Variants in EPM2A observed in about 807,000 individuals in gnomAD.
The protein encoded by EPM2A is EPM2A glucan phosphatase, laforin.
In EPM2A, 21 loss-of-function variants were observed where a neutral mutation model predicts 26.5. The ratio of observed to expected loss-of-function variants is 0.79; its 90% CI spans 0.56 to 1.14. The LOEUF is 1.14. Among genes scored for constraint, EPM2A ranks in the 50% most tolerant of loss-of-function variants. The pLI is 0.00. For synonymous variants in EPM2A, 217 were observed against 177.6 expected, an observed-to-expected ratio of 1.22 and a Z score of -1.76; for missense variants, 458 against 440.8, an observed-to-expected ratio of 1.04 and a Z score of -0.35.
chr6:145,446,677 T>G (rs1470908228), intron 4 of EPM2A, among the ~76,000 whole-genome samples: 1 of 152,038 alleles, frequency 6.6e-6, no homozygotes, highest in Non-Finnish European at 1.5e-5. Flanking sequence ...ACCTTGATCC[T>G]GCCAAAAGCT....
At chr6:145,732,238 C>T (rs10457056) in intron 1 of EPM2A, among the ~76,000 whole-genome samples, 11,907 of 72,540 alleles carry the variant, frequency 0.16, 1,591 homozygotes, top group African/African-American at 0.47. Flanking sequence ...TGTGTGTGTG[C>T]GCGCCAAAGT....
rs143795313 is a variant in EPM2A at position 145,696,548 on chromosome 6, T to C, written c.302-10252A>G. On this transcript the variant is annotated intron_variant, in intron 1 of 3. Transcript: ENST00000367519. The stretch of plus-strand genomic sequence containing the variant: ...ACCCCATACACATATACAATTATGA[T>C]TTTTCCCTTAAAAATATCAATAATA... 6.4e-3 allele frequency among the ~76,000 whole-genome samples: 973 copies of C among 152,246 alleles called. 12 individuals are homozygous for C. Among genetic ancestry groups the C allele is most frequent in the African/African-American group, 0.022 (920 of 41,550 alleles).
At chr6:145,534,315 G>T (rs1299087819) in intron 2 of EPM2A, among the ~76,000 whole-genome samples, 1 of 152,178 alleles carries the variant, frequency 6.6e-6, no homozygotes, top group Middle Eastern at 3.2e-3. Context: ...GAGTGAAAAT[G>T]AGAGTATACA....
chr6:145,500,503 G>A (rs1206525090), downstream of EPM2A, among the ~76,000 whole-genome samples: 2 of 152,136 alleles, frequency 1.3e-5, no homozygotes, highest in East Asian at 1.9e-4. Flanking sequence ...CACCAGCAAG[G>A]ACACAGAGGG....
intron 2 of EPM2A, chr6:145,640,789 A>C (rs1251161877): frequency 6.6e-6 from 1 of 152,194 alleles, no homozygotes; most frequent in Non-Finnish European, 1.5e-5. Context: ...TCCAGGCTTC[A>C]GTAGCACATA....
At chr6:145,600,316 C>T (rs1327385119) in intron 2 of EPM2A, among the ~76,000 whole-genome samples, 1 of 152,122 alleles carries the variant, frequency 6.6e-6, no homozygotes, top group Non-Finnish European at 1.5e-5. Flanking sequence ...CCATCCCTAC[C>T]TAGTTCTCTC....
At chr6:145,387,689 A>G (rs915504605) in intron 4 of EPM2A, among the ~76,000 whole-genome samples, 5 of 152,116 alleles carry the variant, frequency 3.3e-5, no homozygotes, top group African/African-American at 9.7e-5. Context: ...AACAGCAGGG[A>G]AAAAAAGAAA....
chr6:145,481,865 G>T (rs1779614435), intron 4 of EPM2A, among the ~76,000 whole-genome samples: 1 of 152,064 alleles, frequency 6.6e-6, no homozygotes, highest in Non-Finnish European at 1.5e-5. Context: ...TGATGCTGTA[G>T]TTTCTTTAAG....
intron 2 of EPM2A, among the ~76,000 whole-genome samples, chr6:145,668,248 G>T (rs1002778789): frequency 6.6e-6 from 1 of 152,060 alleles, no homozygotes; most frequent in Non-Finnish European, 1.5e-5. Context: ...GTTGGGACAG[G>T]ATCTGCAATC....
At chr6:145,686,490 A>C (rs948451495) in intron 1 of EPM2A, among the ~76,000 whole-genome samples, 194 bp from the exon 2 acceptor site, 3 of 152,184 alleles carry the variant, frequency 2.0e-5, no homozygotes, top group African/African-American at 7.2e-5. Flanking sequence ...TACTTAGGAA[A>C]ATCAGAGTTT....
Position 145,505,427 on chromosome 6 carries a change from G to A in EPM2A, c.341-2852C>T, listed in dbSNP as rs185009165. On this transcript the variant is annotated intron_variant, in intron 2 of 3. Transcript: ENST00000450221. ...CACACAAATATGTATGTATATATAC[G>A]TACAATTTTTTTCCTGAACTATGTA... Among the ~76,000 whole-genome samples the A allele has an allele frequency of 1.6e-4, 24 of 151,188 alleles. No homozygotes were observed. The East Asian group carries it at 3.5e-3, about 22-fold the overall frequency.
rs559322438 is a variant in EPM2A, at chr6:145,733,913, T to C, written c.301+1285A>G. ...ACATTCATTTCATTGACTTCAACTA[T>C]TGAGTCACACCCACTCCAGTCTACA... On this transcript the variant is annotated intron_variant, in intron 1 of 3. Coordinates refer to ENST00000367519, the MANE Select transcript of EPM2A (RefSeq NM_005670.4). Among the ~76,000 whole-genome samples, 30 of 152,328 alleles carry C rather than the reference T, an allele frequency of 2.0e-4. 1 individual carries two copies. Among genetic ancestry groups the C allele is most frequent in the African/African-American group, 6.5e-4 (27 of 41,578 alleles).
downstream of EPM2A, among the ~76,000 whole-genome samples, chr6:145,622,989 TA>T (rs1450220898): frequency 6.6e-6 from 1 of 152,230 alleles, no homozygotes. Flanking sequence ...TCCTTATTTG[TA>T]AAACAGGGAT....
chr6:145,725,688 C>T (rs1244776650), intron 1 of EPM2A, among the ~76,000 whole-genome samples: 3 of 151,982 alleles, frequency 2.0e-5, no homozygotes, highest in South Asian at 4.1e-4. Context: ...CTGTACGATT[C>T]TAATTATTTG....
chr6:145,512,753 A>G (rs114114956), intron 2 of EPM2A, among the ~76,000 whole-genome samples: 5,776 of 150,510 alleles, frequency 0.038, 403 homozygotes, highest in African/African-American at 0.13. Flanking sequence ...GACCCCAGAA[A>G]GAAAGCCACA....
intron 2 of EPM2A, among the ~76,000 whole-genome samples, chr6:145,654,512 G>A (rs1166176187): frequency 2.0e-5 from 3 of 152,210 alleles, no homozygotes; most frequent in Admixed American, 1.3e-4. Context: ...TTTCTCAATT[G>A]TAGGAAATAC....
At chr6:145,483,532 ATTC>A in intron 4 of EPM2A, among the ~76,000 whole-genome samples, 1 of 152,264 alleles carries the variant, frequency 6.6e-6, no homozygotes, top group East Asian at 1.9e-4. Context: ...TATTTCATTT[ATTC>A]TCTTACCTAA....
At chr6:145,470,951 G>T (rs1266647497) in intron 4 of EPM2A, among the ~76,000 whole-genome samples, 1 of 152,098 alleles carries the variant, frequency 6.6e-6, no homozygotes, top group Non-Finnish European at 1.5e-5. Context: ...TCTAGGCTGG[G>T]ACCATATGTA....
At chr6:145,525,154 C>T (rs939503267) in intron 2 of EPM2A, among the ~76,000 whole-genome samples, 100 of 152,144 alleles carry the variant, frequency 6.6e-4, no homozygotes, top group African/African-American at 2.3e-3. Flanking sequence ...CAATACCATG[C>T]TGTATTGTTT....
Sources: allele counts gnomAD v4.1 joint callset (sites outside exome capture counted in the v4.1 genomes callset), GRCh38; gene constraint gnomAD v4.1.1; transcripts MANE v1.5; gene names NCBI Gene and HGNC (gene_info 2026-07-23, HGNC 2026-07-21).